The following CCDC170 variants were observed in gnomAD, a reference collection of about 807,000 sequenced individuals.
CCDC170 encodes coiled-coil domain-containing protein 170.
CCDC170 carries 69 observed loss-of-function variants against 72.6 expected under a neutral mutation model. The observed-to-expected ratio is 0.95, with a 90% confidence interval of 0.78 to 1.16. CCDC170 has a LOEUF of 1.16. Ranked by LOEUF, CCDC170 falls within the 50% of genes most tolerant of loss-of-function variation. CCDC170 has a pLI of 0.00. For synonymous variants in CCDC170, 300 were observed against 303.9 expected, an observed-to-expected ratio of 0.99 and a Z score of 0.13; for missense variants, 852 against 832.5, an observed-to-expected ratio of 1.02 and a Z score of -0.29.
At chr6:151,551,963 G>T (rs979718750) in intron 5 of CCDC170, among the ~76,000 whole-genome samples, 1 of 150,952 alleles carries the variant, frequency 6.6e-6, no homozygotes, top group African/African-American at 2.4e-5. Context: ...TTTTACAGCA[G>T]TTTTCTTCCC....
intron 1 of CCDC170, among the ~76,000 whole-genome samples, chr6:151,501,988 T>G (rs928145934): frequency 6.6e-6 from 1 of 152,260 alleles, no homozygotes; most frequent in Non-Finnish European, 1.5e-5. Context: ...GGCTTTGATC[T>G]AAGGCAGAGA....
intron 9 of CCDC170, 163 bp downstream of exon 9, chr6:151,596,740 G>A: frequency 7.4e-6 from 7 of 950,106 alleles, no homozygotes; most frequent in Non-Finnish European, 7.6e-6. Flanking sequence ...ACAAATCAGG[G>A]TACATATCCA....
chr6:151,560,051 C>T (rs987654403), intron 5 of CCDC170, among the ~76,000 whole-genome samples: 5 of 151,986 alleles, frequency 3.3e-5, no homozygotes, highest in Non-Finnish European at 5.9e-5. Flanking sequence ...AATTTGAGAT[C>T]TTTCTATGTT....
In CCDC170 at chr6:151,499,707, C is replaced by T. The variant is rs1781965724; in HGVS notation, c.57+5522C>T. ...GTGGAATCAGACTGTATTTGTCCTT[C>T]AATGACTGGCTTATTTCACTTAGCA... is the stretch of plus-strand genomic sequence containing the variant. On this transcript the variant is annotated intron_variant, in intron 1 of 10. Transcript: ENST00000239374. Among the ~76,000 whole-genome samples, 2 of 150,922 alleles carry T rather than the reference C, an allele frequency of 1.3e-5. 1 individual carries two copies. The highest frequency in any genetic ancestry group is 4.2e-4 in the South Asian group (2 of 4,778).
Position 151,596,443 on chromosome 6 carries a change from G to A in CCDC170, c.1576G>A (p.Val526Ile). 6.2e-7 allele frequency: 1 copy of A among 1,614,158 alleles called. No homozygotes were observed. The highest frequency in any genetic ancestry group is 8.5e-7 in the Non-Finnish European group (1 of 1,180,014). The part of the protein sequence containing the change: ...EEKQARTALV[V>I]ERDNAHLTIR... ...GAAGCAGGCACGCACGGCCTTGGTGGTTGAGAGGGACAACGCGCATCTTAC... is the reference window on the plus strand; with the variant it reads ...GAAGCAGGCACGCACGGCCTTGGTGATTGAGAGGGACAACGCGCATCTTAC... Residue 526 changes from valine to isoleucine, a missense_variant, in exon 9 of 11, where the codon GTT (valine) becomes ATT (isoleucine). Coordinates refer to ENST00000239374, the MANE Select transcript of CCDC170 (RefSeq NM_025059.4).
At chr6:151,548,914 T>G (rs1485601280) in intron 5 of CCDC170, among the ~76,000 whole-genome samples, 2 of 150,656 alleles carry the variant, frequency 1.3e-5, no homozygotes, top group Non-Finnish European at 3.0e-5. Context: ...TTGTTTTTTT[T>G]GTTTTGGACG....
intron 1 of CCDC170, among the ~76,000 whole-genome samples, chr6:151,525,885 G>A (rs1172110216): frequency 1.3e-5 from 2 of 152,136 alleles, no homozygotes; most frequent in Non-Finnish European, 2.9e-5. Context: ...CAGTGGCTGG[G>A]ACATTTTATA....
intron 9 of CCDC170, among the ~76,000 whole-genome samples, chr6:151,611,928 C>G (rs564063266): frequency 6.6e-6 from 1 of 152,200 alleles, no homozygotes; most frequent in East Asian, 1.9e-4. Context: ...CCAGGCTGGT[C>G]TCGAACTCCT....
rs78376838 is a variant in CCDC170, at chr6:151,613,872, G to A, written c.1711-1571G>A. Among the ~76,000 whole-genome samples, 4 of 152,230 alleles carry A rather than the reference G, an allele frequency of 2.6e-5. No individual in the cohort carries two copies. The East Asian group carries it at 7.7e-4, about 29-fold the overall frequency. The stretch of plus-strand genomic sequence containing the variant: ...CATACGCCTAGGAATGGAATTGCTG[G>A]GTCATGTGGTAATTCTATGTTTAAT... On this transcript the variant is annotated intron_variant, in intron 9 of 10. Coordinates refer to ENST00000239374, the MANE Select transcript of CCDC170 (RefSeq NM_025059.4).
At chr6:151,566,951 G>T (rs1025493817) in intron 5 of CCDC170, among the ~76,000 whole-genome samples, 2 of 151,886 alleles carry the variant, frequency 1.3e-5, no homozygotes, top group Middle Eastern at 3.2e-3. Flanking sequence ...ACTGAGTTTC[G>T]CTCTTGTTGC....
chr6:151,531,923 T>A (rs1163185804), intron 1 of CCDC170, among the ~76,000 whole-genome samples: 2 of 152,224 alleles, frequency 1.3e-5, no homozygotes, highest in Non-Finnish European at 2.9e-5. Flanking sequence ...TACCTCCTGC[T>A]GAATCCCTCC....
intron 5 of CCDC170, 90 bp from the exon 6 acceptor site, chr6:151,573,084 C>A: frequency 8.5e-7 from 1 of 1,181,364 alleles, no homozygotes; most frequent in African/African-American, 1.5e-5. Context: ...TAGTCATTAG[C>A]AGGCAAAGTC....
intron 1 of CCDC170, among the ~76,000 whole-genome samples, chr6:151,510,563 C>G (rs529312705): frequency 6.6e-6 from 1 of 151,828 alleles, no homozygotes; most frequent in African/African-American, 2.4e-5. Flanking sequence ...GATTAAGATT[C>G]GATATTGCAA....
rs768524694 is a variant in CCDC170 at position 151,596,557 on chromosome 6, G to T, written c.1690G>T (p.Ala564Ser). Residue 564 changes from alanine to serine, a missense_variant, in exon 9 of 11, where the codon GCC becomes TCC. By Grantham distance (99) the Ala-to-Ser change is moderately conservative (BLOSUM62 1). Transcript: ENST00000239374. ...DLHTELKAKLADTNELKIKTL... is the reference protein window; with the variant it reads ...DLHTELKAKLSDTNELKIKTL... ...GCACACCGAGCTCAAAGCCAAACTG[G>T]CCGACACCAATGAACTGAAGGCAAG... The T allele has an allele frequency of 3.1e-6, 5 of 1,614,106 alleles. No homozygotes were observed. The highest frequency in any genetic ancestry group is 4.2e-6 in the Non-Finnish European group (5 of 1,179,984).
chr6:151,501,313 A>G (rs1048176091), intron 1 of CCDC170, among the ~76,000 whole-genome samples: 3 of 151,926 alleles, frequency 2.0e-5, no homozygotes, highest in Admixed American at 6.6e-5. Context: ...GAAAAAGGAC[A>G]TTAGTGAAAA....
At chr6:151,494,919 C>A (rs2008930) in intron 1 of CCDC170, among the ~76,000 whole-genome samples, 1,943 of 152,326 alleles carry the variant, frequency 0.013, 23 homozygotes, top group Non-Finnish European at 0.019. Flanking sequence ...CGGGGCCCAC[C>A]GGGTATCGTG....
At chr6:151,608,984 T>C (rs751876799) in intron 9 of CCDC170, among the ~76,000 whole-genome samples, 2 of 152,182 alleles carry the variant, frequency 1.3e-5, no homozygotes, top group Non-Finnish European at 2.9e-5. Context: ...CCCACTTACC[T>C]TTTTCCTTCA....
chr6:151,562,159 C>T (rs1776044559), intron 5 of CCDC170, among the ~76,000 whole-genome samples: 1 of 152,036 alleles, frequency 6.6e-6, no homozygotes. Context: ...TTTCAAATTT[C>T]TCTCAGATGT....
At position 151,540,673 on chromosome 6, in the gene CCDC170, C is replaced by T. The variant is rs148200916; in HGVS notation, c.443+2372C>T. Among the ~76,000 whole-genome samples, 583 of 151,996 alleles carry T rather than the reference C, an allele frequency of 3.8e-3. 7 individuals carry two copies. Among genetic ancestry groups the T allele is most frequent in the South Asian group, 5.6e-3 (27 of 4,806 alleles). ...AAGGGCTGGGATTATAGGGATAAGC[C>T]ACCACACCCAGCCAGTGTCCCTTCT... is the stretch of plus-strand genomic sequence containing the variant. On this transcript the variant is annotated intron_variant, in intron 3 of 10. Transcript: ENST00000239374.
Sources: allele counts gnomAD v4.1 joint callset (sites outside exome capture counted in the v4.1 genomes callset), GRCh38; gene constraint gnomAD v4.1.1; transcripts MANE v1.5; gene names NCBI Gene and HGNC (gene_info 2026-07-23, HGNC 2026-07-21).